Variants in NME7 observed in about 807,000 individuals in gnomAD.
The protein encoded by NME7 is NME/NM23 family member 7, also known as nucleoside diphosphate kinase 7.
In NME7, 41 loss-of-function variants were observed where a neutral mutation model predicts 49.1. The observed-to-expected ratio is 0.83, with a 90% CI of 0.65 to 1.08. The LOEUF is 1.08. NME7 is among the 50% of genes least tolerant of loss of function. NME7 has a pLI of 0.00. For missense variants in NME7, 423 were observed against 463.4 expected (o/e 0.91, Z 0.80); for synonymous variants, 139 against 150.6 (o/e 0.92, Z 0.56).
chr1:169,311,343 C>T (rs1651379268), intron 3 of NME7, among the ~76,000 whole-genome samples: 5 of 148,724 alleles, frequency 3.4e-5, no homozygotes, highest in South Asian at 4.3e-4. Flanking sequence ...GATGTGAACC[C>T]GGGGGTCGGA....
At chr1:169,287,620 T>C (rs1650328723) in intron 6 of NME7, among the ~76,000 whole-genome samples, 1 of 152,136 alleles carries the variant, frequency 6.6e-6, no homozygotes, top group Admixed American at 6.6e-5. Flanking sequence ...TATAAAGAAG[T>C]ATCAATCAAA....
chr1:169,355,649 G>C (rs1264973383), intron 1 of NME7, among the ~76,000 whole-genome samples: 2 of 151,674 alleles, frequency 1.3e-5, no homozygotes, highest in East Asian at 1.9e-4. Context: ...TCTAGGGCTA[G>C]GATTCCCAGG....
At chr1:169,302,521 CAT>C in intron 5 of NME7, 1 of 152,322 alleles carries the variant, frequency 6.6e-6, no homozygotes, top group South Asian at 2.1e-4. Flanking sequence ...CCAAATACCA[CAT>C]GTTCTTACTT....
chr1:169,323,069 G>T, intron 3 of NME7, 48 bp downstream of exon 3: 1 of 1,430,076 alleles, frequency 7.0e-7, no homozygotes, highest in Admixed American at 2.4e-5. Context: ...GATTGACTTT[G>T]AACCCAAAGT....
At chr1:169,164,450 T>C (rs1424362017) in intron 11 of NME7, among the ~76,000 whole-genome samples, 1 of 152,228 alleles carries the variant, frequency 6.6e-6, no homozygotes, top group East Asian at 1.9e-4. Context: ...GTTGAGCAAT[T>C]ACTATTTGCT....
chr1:169,168,695 T>C (rs189194311), intron 11 of NME7, among the ~76,000 whole-genome samples: 1 of 152,196 alleles, frequency 6.6e-6, no homozygotes, highest in Non-Finnish European at 1.5e-5. Context: ...ATATAACTTT[T>C]GATTCCCCAA....
At chr1:169,286,311 T>G (rs770894502) in intron 7 of NME7, 20 of 152,086 alleles carry the variant, frequency 1.3e-4, no homozygotes, top group Admixed American at 3.3e-4. Context: ...ATTTCCAATT[T>G]TCTACTATAT....
chr1:169,143,051 G>A (rs559163873), intron 11 of NME7, among the ~76,000 whole-genome samples: 16 of 152,128 alleles, frequency 1.1e-4, no homozygotes, highest in Non-Finnish European at 2.1e-4. Flanking sequence ...ATTTTCAGTT[G>A]TTATACTATT....
At chr1:169,217,267 C>T (rs1024959940) in intron 10 of NME7, among the ~76,000 whole-genome samples, 16 of 152,226 alleles carry the variant, frequency 1.1e-4, no homozygotes, top group East Asian at 3.9e-4. Context: ...GAAATGGTCT[C>T]GACTTTCACT....
At position 169,259,418 on chromosome 1, in the gene NME7, T is replaced by C. The variant is rs1216359421; in HGVS notation, c.755-21731A>G. Among the ~76,000 whole-genome samples, 2 of 134,406 alleles carry C rather than the reference T, an allele frequency of 1.5e-5. 1 individual carries two copies. Among genetic ancestry groups the C allele is most frequent in the East Asian group, 4.0e-4 (2 of 5,040 alleles). 88.2% of individuals were successfully genotyped at this position (134,406 alleles called of 152,430 possible). The stretch of plus-strand genomic sequence containing the variant: ...ATGCTTCATGTCTTTCTTATTTTGC[T>C]CAAGTTCATTACTATGAAATTCATT... On this transcript the variant is annotated intron_variant, in intron 7 of 11. Transcript: ENST00000367811.
intron 11 of NME7, among the ~76,000 whole-genome samples, chr1:169,156,154 C>CAAAAAAAA (rs71121729): frequency 2.2e-5 from 3 of 135,908 alleles, no homozygotes; most frequent in African/African-American, 8.2e-5. Context: ...CCTGTCTCTA[C>CAAAAAAAA]AAAAAAAAAT....
intron 7 of NME7, among the ~76,000 whole-genome samples, chr1:169,259,767 T>C (rs1354295662): frequency 7.5e-6 from 1 of 134,162 alleles, no homozygotes; most frequent in Non-Finnish European, 1.8e-5. Context: ...TAAATAAGAT[T>C]TGGCTTAAAG....
chr1:169,342,848 AG>A (rs1188686241), intron 1 of NME7, among the ~76,000 whole-genome samples: 1 of 72,910 alleles, frequency 1.4e-5, no homozygotes, highest in Non-Finnish European at 2.8e-5. Flanking sequence ...ATATATATAT[AG>A]TATATATATA....
chr1:169,312,976 G>C (rs989852523), intron 3 of NME7, among the ~76,000 whole-genome samples: 2 of 152,020 alleles, frequency 1.3e-5, no homozygotes, highest in Non-Finnish European at 2.9e-5. Context: ...CTCATACTTT[G>C]TTTACAAGCA....
At chr1:169,288,278 C>G (rs1444438187) in intron 6 of NME7, among the ~76,000 whole-genome samples, 1 of 152,030 alleles carries the variant, frequency 6.6e-6, no homozygotes, top group Non-Finnish European at 1.5e-5. Context: ...CTGTAGGACC[C>G]CTAGCACCTA....
chr1:169,343,880 C>T (rs1345054971), intron 1 of NME7, among the ~76,000 whole-genome samples: 2 of 152,124 alleles, frequency 1.3e-5, no homozygotes, highest in East Asian at 3.9e-4. Context: ...TTGTTTAAAA[C>T]ACCTTGGCTA....
At chr1:169,199,843 T>G (rs1660498512) in intron 10 of NME7, among the ~76,000 whole-genome samples, 1 of 152,042 alleles carries the variant, frequency 6.6e-6, no homozygotes, top group Non-Finnish European at 1.5e-5. Flanking sequence ...AATCATTTAG[T>G]TTGATGACAA....
At chr1:169,278,051 G>T (rs964789581) in intron 7 of NME7, among the ~76,000 whole-genome samples, 1 of 151,846 alleles carries the variant, frequency 6.6e-6, no homozygotes, top group African/African-American at 2.4e-5. Context: ...TCTGCCGAGA[G>T]ATCCGCTGTT....
intron 10 of NME7, among the ~76,000 whole-genome samples, chr1:169,216,041 A>T (rs903480934): frequency 1.3e-5 from 2 of 152,254 alleles, no homozygotes; most frequent in South Asian, 2.1e-4. Context: ...TAGAGCATAC[A>T]TACTGTACCT....
Sources: gnomAD v4.1 joint callset for allele counts (sites outside exome capture counted in the v4.1 genomes callset) on GRCh38, gnomAD v4.1.1 for gene constraint, MANE v1.5 for transcripts, NCBI Gene and HGNC (gene_info 2026-07-23, HGNC 2026-07-21) for gene names.